Variants in HACD3 observed in about 807,000 individuals in gnomAD.
HACD3 encodes the protein 3-hydroxyacyl-CoA dehydratase 3, also known as very-long-chain (3R)-3-hydroxyacyl-CoA dehydratase 3.
A neutral mutation model predicts 55.2 loss-of-function variants in HACD3; 30 were observed. The ratio of observed to expected loss-of-function variants is 0.54; its 90% CI spans 0.41 to 0.74. The LOEUF (loss-of-function observed/expected upper bound fraction) is 0.74. Among genes scored for constraint, HACD3 ranks in the 30% least tolerant of loss-of-function variants. HACD3 has a pLI of 0.00. For synonymous variants in HACD3, 141 were observed against 151.7 expected, an observed-to-expected ratio of 0.93 and a Z score of 0.52; for missense variants, 363 against 440.1, an observed-to-expected ratio of 0.82 and a Z score of 1.57.
intron 1 of HACD3, among the ~76,000 whole-genome samples, chr15:65,544,674 C>G (rs1307402310): frequency 6.6e-6 from 1 of 151,992 alleles, no homozygotes; most frequent in Non-Finnish European, 1.5e-5. Flanking sequence ...AGGGAAAACT[C>G]CTTTTTACAG....
rs1195262095 is a variant in HACD3 at position 65,571,666 on chromosome 15, G to T, written c.880+12G>T. On this transcript the variant is annotated intron_variant, in intron 9 of 10. Transcript: ENST00000261875. ...ATGTTTGGCGGAAGGTACTCTCAGG[G>T]ACTCTTAGCTTTCATAGCTTAGCTC... The T allele has an allele frequency of 1.3e-6, 2 of 1,593,960 alleles. No homozygotes were observed. Among genetic ancestry groups the T allele is most frequent in the Non-Finnish European group, 8.6e-7 (1 of 1,162,012 alleles).
intron 5 of HACD3, 88 bp from the exon 6 acceptor site, chr15:65,562,686 G>T: frequency 6.6e-7 from 1 of 1,511,966 alleles, no homozygotes. Flanking sequence ...AAGGAAAAAG[G>T]GTTGAAGTCA....
chr15:65,564,615 C>T (rs959954961), intron 7 of HACD3: 5 of 340,580 alleles, frequency 1.5e-5, no homozygotes, highest in East Asian at 7.0e-5. Context: ...CATCAGATCT[C>T]GTGAGACTTA....
chr15:65,538,202 G>A (rs2071983767), intron 1 of HACD3, among the ~76,000 whole-genome samples: 1 of 151,974 alleles, frequency 6.6e-6, no homozygotes, highest in South Asian at 2.1e-4. Context: ...ACTGTCGTAG[G>A]TAGTGATTCT....
intron 1 of HACD3, among the ~76,000 whole-genome samples, chr15:65,545,107 G>A (rs985756217): frequency 1.9e-4 from 29 of 150,906 alleles, no homozygotes; most frequent in African/African-American, 6.8e-4. Flanking sequence ...ATGGTTGACC[G>A]TACCATTGGA....
Position 65,530,762 on chromosome 15 carries a change from T to C in HACD3, c.87+44T>C, listed in dbSNP as rs567976049. On this transcript the variant is annotated intron_variant, in intron 1 of 10. Coordinates refer to ENST00000261875, the MANE Select transcript of HACD3 (RefSeq NM_016395.4). ...GGCGGGAAGCGCGCGGGATCGCGGCTCCGGGTACCCGCCAGGACCCCTGCC... is the reference window on the plus strand; with the variant it reads ...GGCGGGAAGCGCGCGGGATCGCGGCCCCGGGTACCCGCCAGGACCCCTGCC... 6.5e-5 allele frequency: 98 copies of C among 1,504,966 alleles called. No individual in the cohort carries two copies. The Admixed American group carries it at 1.0e-3, about 16-fold the overall frequency. 93.2% of individuals were successfully genotyped at this position (1,504,966 alleles called of 1,614,324 possible).
intron 1 of HACD3, among the ~76,000 whole-genome samples, chr15:65,540,088 C>G (rs1348095253): frequency 6.6e-6 from 1 of 152,014 alleles, no homozygotes; most frequent in Admixed American, 6.5e-5. Context: ...GCAAATAAAG[C>G]AAAATGCTAA....
chr15:65,530,563 C>A lies in HACD3; in HGVS notation c.-69C>A. 7.1e-7 allele frequency: 1 copy of A among 1,412,836 alleles called. No homozygotes were observed. Among genetic ancestry groups the A allele is most frequent in the Non-Finnish European group, 9.7e-7 (1 of 1,032,422 alleles). The allele number at this position is 1,412,836 out of a possible 1,614,324, so 87.5% of individuals were successfully genotyped here. ...TTTGAGGCCTGCTTTCTGCTCGCGC[C>A]AGCAGAGCACTACCTGAGGCAGCGA... On this transcript the variant is annotated 5_prime_UTR_variant, in exon 1 of 11. Transcript: ENST00000261875.
Position 65,577,449 on chromosome 15 carries a change from AAACACACATACACACACACACACACG to A in HACD3, c.*1072_*1097del. 6.6e-6 allele frequency: 1 copy of A among 151,492 alleles called. No homozygotes were observed. The highest frequency in any genetic ancestry group is 2.1e-4 in the South Asian group (1 of 4,826). 9.4% of individuals were successfully genotyped at this position (151,492 alleles called of 1,614,324 possible). On this transcript the variant is annotated 3_prime_UTR_variant, in exon 11 of 11. Coordinates refer to ENST00000261875, the MANE Select transcript of HACD3 (RefSeq NM_016395.4). ...AAACCAAACCAAACCACACACACACAAACACACATACACACACACACACACGAGGTCCAAATGGTAGCAGGGATCCA... is the reference window on the plus strand; with the variant it reads ...AAACCAAACCAAACCACACACACACAAGGTCCAAATGGTAGCAGGGATCCA...
chr15:65,571,578 C>T lies in HACD3; in HGVS notation c.804C>T (p.Asp268=). 1.2e-6 allele frequency: 2 copies of T among 1,613,756 alleles called. No individual in the cohort carries two copies. The highest frequency in any genetic ancestry group is 1.7e-6 in the Non-Finnish European group (2 of 1,179,678). The part of the protein sequence containing the change: ...RYSFYMLTCI[D]MDWKVLTWLR... ...CTTTCTACATGCTGACGTGCATTGA[C>T]ATGGATTGGAAGGTGCTCACATGGC... is the stretch of plus-strand genomic sequence containing the variant. Residue 268 remains aspartate (D), a synonymous_variant, in exon 9 of 11, where the codon GAC becomes GAT. Transcript: ENST00000261875.
At chr15:65,558,608 C>T (rs2072216425) in intron 4 of HACD3, 72 bp from the exon 5 acceptor site, 2 of 1,423,154 alleles carry the variant, frequency 1.4e-6, no homozygotes, top group Non-Finnish European at 1.9e-6. Context: ...ATTACTCAGC[C>T]AGCATATGGA....
chr15:65,576,670 GC>G lies in HACD3; in HGVS notation c.*293del. ...CTCATGTTCAGTCTGTCTAATACAT[GC>G]CAGAGATTTTTTTTTCAAAAAGTGC... On this transcript the variant is annotated 3_prime_UTR_variant, in exon 11 of 11. Coordinates refer to ENST00000261875, the MANE Select transcript of HACD3 (RefSeq NM_016395.4). 2.9e-6 allele frequency: 1 copy of G among 349,764 alleles called. No homozygotes were observed. The highest frequency in any genetic ancestry group is 5.2e-6 in the Non-Finnish European group (1 of 194,050). 21.7% of individuals were successfully genotyped at this position (349,764 alleles called of 1,614,324 possible).
chr15:65,538,098 G>T (rs1021649820), intron 1 of HACD3, among the ~76,000 whole-genome samples: 7 of 151,128 alleles, frequency 4.6e-5, no homozygotes, highest in Non-Finnish European at 7.4e-5. Context: ...TTGTTTTCAT[G>T]CCCGCTAACA....
intron 1 of HACD3, chr15:65,535,896 G>A: frequency 1.9e-6 from 1 of 513,056 alleles, no homozygotes. Flanking sequence ...CATTATGTTG[G>A]CCAGGCTGGT....
chr15:65,557,335 C>T (rs992101606), intron 4 of HACD3, among the ~76,000 whole-genome samples: 2 of 152,034 alleles, frequency 1.3e-5, no homozygotes, highest in Non-Finnish European at 2.9e-5. Context: ...ATTAGCCGGG[C>T]GTGGTGGTGC....
chr15:65,547,955 A>G (rs2072093261), intron 1 of HACD3, among the ~76,000 whole-genome samples: 1 of 152,230 alleles, frequency 6.6e-6, no homozygotes, highest in Non-Finnish European at 1.5e-5. Context: ...TGTGATAAGT[A>G]TTATAGTAAA....
intron 10 of HACD3, 134 bp from the exon 11 acceptor site, chr15:65,576,169 C>A: frequency 7.7e-7 from 1 of 1,305,084 alleles, no homozygotes; most frequent in Non-Finnish European, 1.0e-6. Context: ...CTAAATTGTA[C>A]TCCTTCCTGA....
chr15:65,543,049 G>A (rs1446227357), intron 1 of HACD3, among the ~76,000 whole-genome samples: 3 of 16,730 alleles, frequency 1.8e-4, no homozygotes, highest in Non-Finnish European at 4.3e-4. Flanking sequence ...ACTCCAGCCT[G>A]GCGACAGTGG....
chr15:65,559,495 A>G (rs1269375158), intron 5 of HACD3, among the ~76,000 whole-genome samples: 1 of 150,518 alleles, frequency 6.6e-6, no homozygotes, highest in Non-Finnish European at 1.5e-5. Context: ...CTTATCTAGC[A>G]TGCCATAAAT....
Sources: allele counts gnomAD v4.1 joint callset (sites outside exome capture counted in the v4.1 genomes callset), GRCh38; gene constraint gnomAD v4.1.1; transcripts MANE v1.5; gene names NCBI Gene and HGNC (gene_info 2026-07-23, HGNC 2026-07-21).